Variants in RIMS1 observed in about 807,000 individuals in gnomAD.
The protein encoded by RIMS1 is regulating synaptic membrane exocytosis 1, also known as regulating synaptic membrane exocytosis protein 1.
A neutral mutation model predicts 214.1 loss-of-function variants in RIMS1; 83 were observed. That is an observed-to-expected ratio of 0.39 (90% CI 0.32 to 0.47). The LOEUF is 0.47. Among genes scored for constraint, RIMS1 ranks in the 20% least tolerant of loss-of-function variants. RIMS1 has a pLI of 0.99. For missense variants in RIMS1, 2,050 were observed against 2,161.8 expected, an observed-to-expected ratio of 0.95 and a Z score of 1.03; for synonymous variants, 793 against 786.8, an observed-to-expected ratio of 1.01 and a Z score of -0.13.
intron 16 of RIMS1, among the ~76,000 whole-genome samples, chr6:72,256,757 T>C (rs2154149989): frequency 6.6e-6 from 1 of 152,072 alleles, no homozygotes; most frequent in Non-Finnish European, 1.5e-5. Context: ...GGTCTCTTTC[T>C]AGCCTTAATA....
At chr6:71,889,665 G>A (rs950667290) in intron 1 of RIMS1, among the ~76,000 whole-genome samples, 4 of 152,136 alleles carry the variant, frequency 2.6e-5, no homozygotes, top group East Asian at 3.9e-4. Flanking sequence ...TTTTATAGGG[G>A]ACACTTTATG....
chr6:72,112,168 C>G (rs2036226649), intron 4 of RIMS1, among the ~76,000 whole-genome samples: 1 of 152,116 alleles, frequency 6.6e-6, no homozygotes. Flanking sequence ...CCCCCTGCAT[C>G]CAATTCATCA....
intron 6 of RIMS1, among the ~76,000 whole-genome samples, chr6:72,225,254 A>G (rs937810658): frequency 6.6e-6 from 1 of 152,134 alleles, no homozygotes; most frequent in African/African-American, 2.4e-5. Context: ...TTAATAGTAT[A>G]TTTTAAAATA....
At chr6:72,229,147 G>A (rs1035412219) in intron 6 of RIMS1, among the ~76,000 whole-genome samples, 1 of 151,692 alleles carries the variant, frequency 6.6e-6, no homozygotes, top group Non-Finnish European at 1.5e-5. Context: ...GAGGCCTCTA[G>A]CCCTGCTTTG....
At chr6:72,113,850 A>AT (rs2036563142) in intron 4 of RIMS1, among the ~76,000 whole-genome samples, 1 of 152,114 alleles carries the variant, frequency 6.6e-6, no homozygotes, top group African/African-American at 2.4e-5. Flanking sequence ...AGGATTCTCA[A>AT]TTAGTGGTTA....
At chr6:72,009,111 T>G (rs571373124) in intron 2 of RIMS1, among the ~76,000 whole-genome samples, 7 of 152,166 alleles carry the variant, frequency 4.6e-5, no homozygotes, top group African/African-American at 9.6e-5. Flanking sequence ...GAACAGAAAT[T>G]ATAACAAACT....
intron 2 of RIMS1, among the ~76,000 whole-genome samples, chr6:71,998,532 C>T (rs1207817779): frequency 6.6e-6 from 1 of 152,166 alleles, no homozygotes; most frequent in African/African-American, 2.4e-5. Flanking sequence ...CTTTCCCACT[C>T]CCTGTTCAAT....
chr6:72,191,855 G>A (rs1352879834), intron 6 of RIMS1, among the ~76,000 whole-genome samples: 2 of 152,224 alleles, frequency 1.3e-5, no homozygotes, highest in African/African-American at 2.4e-5. Flanking sequence ...CCAAATAGGA[G>A]AGTTGAACGG....
At chr6:71,911,732 A>G (rs1036463256) in intron 1 of RIMS1, among the ~76,000 whole-genome samples, 1 of 152,190 alleles carries the variant, frequency 6.6e-6, no homozygotes, top group Non-Finnish European at 1.5e-5. Flanking sequence ...AAGGTGAAGT[A>G]CTGAAGGGTG....
intron 26 of RIMS1, 60 bp from the exon 27 acceptor site, chr6:72,307,198 A>G (rs1452080043): frequency 4.6e-5 from 47 of 1,031,382 alleles, no homozygotes; most frequent in South Asian, 2.8e-5. Context: ...ATCTTAAACC[A>G]TTCAGTTCCT....
chr6:72,374,156 G>A (rs372239491), intron 29 of RIMS1, among the ~76,000 whole-genome samples: 24 of 152,182 alleles, frequency 1.6e-4, no homozygotes, highest in African/African-American at 4.6e-4. Context: ...CTCGTGATCC[G>A]CCCGCCTCGG....
chr6:72,203,177 C>T (rs973299732), intron 6 of RIMS1, among the ~76,000 whole-genome samples: 5 of 151,872 alleles, frequency 3.3e-5, no homozygotes, highest in Admixed American at 1.3e-4. Flanking sequence ...TTAATAGAGG[C>T]GGGGTTTCAC....
At chr6:72,145,145 T>C (rs2042575257) in intron 4 of RIMS1, among the ~76,000 whole-genome samples, 1 of 152,230 alleles carries the variant, frequency 6.6e-6, no homozygotes, top group Non-Finnish European at 1.5e-5. Context: ...TAATTATGTT[T>C]CCCATAGGCT....
chr6:72,282,943 C>T (rs867649016), intron 23 of RIMS1, among the ~76,000 whole-genome samples: 3 of 151,872 alleles, frequency 2.0e-5, no homozygotes, highest in Non-Finnish European at 2.9e-5. Flanking sequence ...CAATTTCTGG[C>T]GAAAGCGGAA....
Position 72,254,066 on chromosome 6 carries a change from G to C in RIMS1, c.2770+1234G>C, listed in dbSNP as rs1017200016. On this transcript the variant is annotated intron_variant, in intron 16 of 33. Coordinates refer to ENST00000521978, the MANE Select transcript of RIMS1 (RefSeq NM_014989.7). ...TTTTTAGTAGAGACTGGATTTCACC[G>C]TGTTGGCCAGGATGGTCTTGTTCTC... is the stretch of plus-strand genomic sequence containing the variant. Among the ~76,000 whole-genome samples, 6 of 152,114 alleles carry C rather than the reference G, an allele frequency of 3.9e-5. No individual in the cohort carries two copies. The South Asian group carries it at 6.2e-4, about 16-fold the overall frequency.
chr6:71,936,018 C>T (rs1784309339), intron 1 of RIMS1, among the ~76,000 whole-genome samples: 1 of 152,124 alleles, frequency 6.6e-6, no homozygotes, highest in Non-Finnish European at 1.5e-5. Flanking sequence ...AGTGACTGTC[C>T]TTTGGGCGCT....
At chr6:72,082,246 A>G (rs1301753519) in intron 2 of RIMS1, among the ~76,000 whole-genome samples, 2 of 152,210 alleles carry the variant, frequency 1.3e-5, no homozygotes, top group Admixed American at 6.5e-5. Context: ...CCATTGAATA[A>G]TGTTACACTT....
At chr6:72,197,634 G>T (rs1417780619) in intron 6 of RIMS1, among the ~76,000 whole-genome samples, 1 of 152,028 alleles carries the variant, frequency 6.6e-6, no homozygotes, top group Non-Finnish European at 1.5e-5. Context: ...CAAAATACAA[G>T]ATTATATGAC....
At chr6:71,895,267 G>A (rs146264768) in intron 1 of RIMS1, among the ~76,000 whole-genome samples, 2,295 of 152,280 alleles carry the variant, frequency 0.015, 31 homozygotes, top group Non-Finnish European at 0.023. Context: ...AATATTTGAA[G>A]ACTATTTTTA....
Sources: allele counts gnomAD v4.1 joint callset (sites outside exome capture counted in the v4.1 genomes callset), GRCh38; gene constraint gnomAD v4.1.1; transcripts MANE v1.5; gene names NCBI Gene and HGNC (gene_info 2026-07-23, HGNC 2026-07-21).